Variants in RCOR1 observed in about 807,000 individuals in gnomAD.
RCOR1 encodes the protein REST corepressor 1.
Under a neutral mutation model 64.0 loss-of-function variants are expected in RCOR1, and 12 were observed. That is an observed-to-expected ratio of 0.19 (90% CI 0.12 to 0.30). The LOEUF (loss-of-function observed/expected upper bound fraction) is 0.30. Ranked by LOEUF, RCOR1 falls within the 10% of genes least tolerant of loss-of-function variation. The pLI is 1.00. For missense variants in RCOR1, 502 were observed against 621.2 expected (o/e 0.81, Z 2.04); for synonymous variants, 279 against 227.2 (o/e 1.23, Z -2.05).
At chr14:102,641,273 A>G (rs1894362708) in intron 2 of RCOR1, among the ~76,000 whole-genome samples, 1 of 151,910 alleles carries the variant, frequency 6.6e-6, no homozygotes, top group Admixed American at 6.6e-5. Flanking sequence ...GAAAACCAGA[A>G]AAGAATTATG....
chr14:102,652,078 A>G (rs1335031196), intron 2 of RCOR1, among the ~76,000 whole-genome samples: 1 of 152,228 alleles, frequency 6.6e-6, no homozygotes, highest in African/African-American at 2.4e-5. Flanking sequence ...TGAGCCTTGT[A>G]ACTGGATTTC....
intron 2 of RCOR1, among the ~76,000 whole-genome samples, chr14:102,624,031 A>C (rs191317880): frequency 0.016 from 2,340 of 150,534 alleles, 17 homozygotes; most frequent in Non-Finnish European, 0.025. Context: ...ATCTCTACTA[A>C]AAAAAATACA....
At chr14:102,643,765 C>T (rs1295481070) in intron 2 of RCOR1, among the ~76,000 whole-genome samples, 2 of 152,050 alleles carry the variant, frequency 1.3e-5, no homozygotes, top group Non-Finnish European at 2.9e-5. Context: ...ATGGGGAGGA[C>T]GGGTGGAAAC....
chr14:102,683,282 A>G (rs973516812), intron 3 of RCOR1, among the ~76,000 whole-genome samples: 12 of 152,196 alleles, frequency 7.9e-5, no homozygotes, highest in African/African-American at 2.9e-4. Flanking sequence ...CTTGTGGCTG[A>G]GACACACTTG....
intron 3 of RCOR1, among the ~76,000 whole-genome samples, chr14:102,691,774 C>T (rs928116188): frequency 6.6e-6 from 1 of 152,198 alleles, no homozygotes; most frequent in Non-Finnish European, 1.5e-5. Flanking sequence ...AATGTCTAAT[C>T]TGTATCTTTA....
chr14:102,629,357 CTTG>C (rs1201852894), intron 2 of RCOR1, among the ~76,000 whole-genome samples: 2 of 151,708 alleles, frequency 1.3e-5, no homozygotes, highest in Non-Finnish European at 1.5e-5. Flanking sequence ...CCTTATTTAT[CTTG>C]TTTATTGTAT....
Position 102,730,198 on chromosome 14 carries a change from TA to T in RCOR1, c.*3694del. 1 of 396,340 alleles carries T rather than the reference TA, an allele frequency of 2.5e-6. No homozygotes were observed. The highest frequency in any genetic ancestry group is 4.4e-6 in the Non-Finnish European group (1 of 224,894). The allele number at this position is 396,340 out of a possible 1,614,324, so 24.6% of individuals were successfully genotyped here. ...CATTAGGTAGACTTATCGACTTTGC[TA>T]AGTGCTTTTTAGACAGCTTAAAAAA... is the stretch of plus-strand genomic sequence containing the variant. On this transcript the variant is annotated 3_prime_UTR_variant, in exon 12 of 12. Coordinates refer to ENST00000262241, the MANE Select transcript of RCOR1 (RefSeq NM_015156.4).
intron 4 of RCOR1, among the ~76,000 whole-genome samples, chr14:102,706,824 A>G (rs1216346885): frequency 4.7e-5 from 7 of 147,996 alleles, no homozygotes; most frequent in Non-Finnish European, 1.0e-4. Context: ...CCTGTCTCAA[A>G]TAATAATAAT....
At chr14:102,630,725 C>T (rs957830977) in intron 2 of RCOR1, among the ~76,000 whole-genome samples, 2 of 152,108 alleles carry the variant, frequency 1.3e-5, no homozygotes, top group African/African-American at 4.8e-5. Flanking sequence ...AGTTATTTCC[C>T]AGCTCCACTC....
chr14:102,634,533 G>T (rs969028228), intron 2 of RCOR1, among the ~76,000 whole-genome samples: 7 of 151,786 alleles, frequency 4.6e-5, no homozygotes, highest in Admixed American at 2.6e-4. Context: ...CACTAACATT[G>T]ATTTCAGGTA....
At chr14:102,650,572 C>T (rs1201284172) in intron 2 of RCOR1, among the ~76,000 whole-genome samples, 1 of 152,114 alleles carries the variant, frequency 6.6e-6, no homozygotes, top group Admixed American at 6.5e-5. Context: ...ACAGGATTCC[C>T]TTGGATGTTG....
chr14:102,682,987 T>C (rs368061653), intron 3 of RCOR1, among the ~76,000 whole-genome samples: 3 of 152,362 alleles, frequency 2.0e-5, no homozygotes, highest in African/African-American at 7.2e-5. Flanking sequence ...CTTTCTGTTA[T>C]TACAGTTTAA....
intron 4 of RCOR1, among the ~76,000 whole-genome samples, chr14:102,703,256 G>GT (rs1421831742): frequency 1.3e-5 from 2 of 152,196 alleles, no homozygotes; most frequent in African/African-American, 2.4e-5. Context: ...GCATGTGGAA[G>GT]TTGCATAAGG....
At chr14:102,666,787 A>G (rs1438245070) in intron 2 of RCOR1, among the ~76,000 whole-genome samples, 3 of 152,172 alleles carry the variant, frequency 2.0e-5, no homozygotes, top group African/African-American at 7.2e-5. Context: ...ATCCCATCCA[A>G]GGGTACATAC....
rs1401566731 is a variant in RCOR1 at position 102,603,655 on chromosome 14, C to G, written c.361+10330C>G. 2.0e-5 allele frequency among the ~76,000 whole-genome samples: 3 copies of G among 150,892 alleles called. No individual in the cohort carries two copies. The East Asian group carries it at 5.9e-4, about 30-fold the overall frequency. Reference sequence around the variant, plus strand: ...TTTTTTTCCCCCTTAGGGTCTTGCTCTGTTGCCCAGGCTGGAGTGCGGTGG... The same window carrying G: ...TTTTTTTCCCCCTTAGGGTCTTGCTGTGTTGCCCAGGCTGGAGTGCGGTGG... On this transcript the variant is annotated intron_variant, in intron 2 of 11. Transcript: ENST00000262241.
intron 3 of RCOR1, among the ~76,000 whole-genome samples, chr14:102,683,784 T>A (rs1895354266): frequency 6.6e-6 from 1 of 152,216 alleles, no homozygotes; most frequent in Non-Finnish European, 1.5e-5. Flanking sequence ...TCCGGGTCCC[T>A]CTTGCCACCA....
chr14:102,712,839 A>G (rs1485727464), intron 7 of RCOR1, among the ~76,000 whole-genome samples: 4 of 151,240 alleles, frequency 2.6e-5, no homozygotes, highest in Admixed American at 2.0e-4. Context: ...GCTATTTACT[A>G]GGTTTTTCAG....
At chr14:102,650,927 T>A (rs1894575553) in intron 2 of RCOR1, 1 of 737,626 alleles carries the variant, frequency 1.4e-6, no homozygotes, top group African/African-American at 1.9e-5. Flanking sequence ...ATTGAATAAC[T>A]TAATTATCTT....
At chr14:102,713,438 G>A (rs978142383) in intron 7 of RCOR1, among the ~76,000 whole-genome samples, 2 of 151,766 alleles carry the variant, frequency 1.3e-5, no homozygotes, top group South Asian at 2.1e-4. Context: ...GCCCGCCACC[G>A]CACCTGGCTA....
Sources: allele counts gnomAD v4.1 joint callset (sites outside exome capture counted in the v4.1 genomes callset), GRCh38; gene constraint gnomAD v4.1.1; transcripts MANE v1.5; gene names NCBI Gene and HGNC (gene_info 2026-07-23, HGNC 2026-07-21).